LONP2: variants seen among roughly 807,000 people sequenced by gnomAD.
LONP2 encodes lon peptidase 2, peroxisomal.
A neutral mutation model predicts 85.6 loss-of-function variants in LONP2; 60 were observed. The ratio of observed to expected loss-of-function variants is 0.70; its 90% CI spans 0.57 to 0.87. The LOEUF is 0.87. Among genes scored for constraint, LONP2 ranks in the 40% least tolerant of loss-of-function variants. LONP2 has a pLI of 0.00. For synonymous variants in LONP2, 395 were observed against 389.7 expected (o/e 1.01, Z -0.16); for missense variants, 860 against 1,063.5 (o/e 0.81, Z 2.66).
chr16:48,358,772 T>C (rs568023929), downstream of LONP2, among the ~76,000 whole-genome samples: 31 of 152,228 alleles, frequency 2.0e-4, no homozygotes, highest in African/African-American at 6.7e-4. Flanking sequence ...AGTGAACCGA[T>C]TGCACCATTA....
At chr16:48,351,256 A>G (rs1286228978) in intron 14 of LONP2, among the ~76,000 whole-genome samples, 1 of 152,196 alleles carries the variant, frequency 6.6e-6, no homozygotes, top group East Asian at 1.9e-4. Flanking sequence ...CAACCTAAAG[A>G]CTAGACGGTT....
chr16:48,246,137 A>G (rs1296463336), intron 1 of LONP2, among the ~76,000 whole-genome samples: 1 of 152,126 alleles, frequency 6.6e-6, no homozygotes, highest in Non-Finnish European at 1.5e-5. Context: ...AGAAAGCAAA[A>G]CAAAGCAACA....
At chr16:48,351,532 C>A in intron 14 of LONP2, 49 bp from the exon 15 acceptor site, 1 of 1,464,626 alleles carries the variant, frequency 6.8e-7, no homozygotes. Context: ...GGGTTTCTTT[C>A]AGCTTGAGGG....
Position 48,347,652 on chromosome 16 carries a change from A to T in LONP2, c.2084A>T (p.Glu695Val). Residue 695 changes from glutamate to valine, a missense_variant, in exon 13 of 15, where the codon GAG becomes GTG. By Grantham distance (121) the Glu-to-Val change is moderately radical. Transcript: ENST00000285737. ...LTGQLGDVMK[E>V]SAHLAISWLR... ...GGCCAGCTCGGGGACGTGATGAAGG[A>T]GTCCGCCCACCTCGCTATCAGCTGG... The T allele has an allele frequency of 6.2e-7, 1 of 1,614,232 alleles. No homozygotes were observed. Among genetic ancestry groups the T allele is most frequent in the Non-Finnish European group, 8.5e-7 (1 of 1,180,042 alleles).
chr16:48,354,619 A>C lies in LONP2; in HGVS notation c.*2817A>C, dbSNP rs1960268566. 2 of 152,150 alleles carry C rather than the reference A, an allele frequency of 1.3e-5. No individual in the cohort carries two copies. The highest frequency in any genetic ancestry group is 3.9e-4 in the East Asian group (2 of 5,192). 9.4% of individuals were successfully genotyped at this position (152,150 alleles called of 1,614,324 possible). On this transcript the variant is annotated 3_prime_UTR_variant, in exon 15 of 15. Transcript: ENST00000285737. ...AACCACTATTTCACTTTCTTTCTGA[A>C]TTTCCCTTCATATGAGTGGGATCAA...
chr16:48,257,119 C>A (rs1971776364), intron 3 of LONP2, among the ~76,000 whole-genome samples: 1 of 152,084 alleles, frequency 6.6e-6, no homozygotes, highest in Non-Finnish European at 1.5e-5. Flanking sequence ...CGAGACCAGC[C>A]TGGCCAACAT....
At chr16:48,282,265 G>A (rs913250050) in intron 8 of LONP2, among the ~76,000 whole-genome samples, 2 of 151,976 alleles carry the variant, frequency 1.3e-5, no homozygotes, top group Admixed American at 6.6e-5. Context: ...ACAAAAATTA[G>A]CTGGGCATGG....
At chr16:48,311,722 G>A (rs1474412980) in intron 11 of LONP2, among the ~76,000 whole-genome samples, 1 of 152,020 alleles carries the variant, frequency 6.6e-6, no homozygotes. Flanking sequence ...GTAAGCCCAA[G>A]CAGTCCTCTG....
intron 11 of LONP2, among the ~76,000 whole-genome samples, chr16:48,323,826 C>A (rs1973316139): frequency 6.6e-6 from 1 of 152,080 alleles, no homozygotes; most frequent in Admixed American, 6.6e-5. Context: ...AAAATACCAA[C>A]AGAAAGAAAA....
intron 11 of LONP2, among the ~76,000 whole-genome samples, chr16:48,331,065 C>T (rs1567345549): frequency 6.6e-6 from 1 of 152,228 alleles, no homozygotes; most frequent in East Asian, 1.9e-4. Flanking sequence ...CTCAGAAAAG[C>T]TTGTCACAAA....
intron 8 of LONP2, among the ~76,000 whole-genome samples, chr16:48,291,861 A>G (rs532687341): frequency 3.9e-5 from 6 of 152,340 alleles, no homozygotes; most frequent in Admixed American, 2.0e-4. Flanking sequence ...TTTAAATTCT[A>G]TATGTCTTTT....
At chr16:48,362,209 T>C, downstream of LONP2, 1 of 1,614,174 alleles carries the variant, frequency 6.2e-7, no homozygotes, top group Non-Finnish European at 8.5e-7. This position sits in a 1 kb window ranked among gnomAD's most constrained non-coding sequence, Gnocchi z 4.2. Flanking sequence ...CCCCGGCAAG[T>C]TGGACAACAT....
chr16:48,295,926 C>A, intron 8 of LONP2, 89 bp from the exon 9 acceptor site: 1 of 1,229,006 alleles, frequency 8.1e-7, no homozygotes, highest in Non-Finnish European at 1.2e-6. Context: ...AAATACCAAC[C>A]TTGCCAGTAC....
At chr16:48,264,666 A>C (rs1971952466) in intron 6 of LONP2, among the ~76,000 whole-genome samples, 1 of 152,252 alleles carries the variant, frequency 6.6e-6, no homozygotes, top group Non-Finnish European at 1.5e-5. Context: ...ATAGGAAATC[A>C]CAAGAGTATT....
At chr16:48,360,255 T>C (rs1230773212), downstream of LONP2, among the ~76,000 whole-genome samples, 1 of 151,442 alleles carries the variant, frequency 6.6e-6, no homozygotes, top group East Asian at 1.9e-4. Context: ...AGTGAATTTA[T>C]TATATCATTG....
chr16:48,244,385 C>T lies in LONP2; in HGVS notation c.-4C>T. Reference sequence around the variant, plus strand: ...GACAGCCCCCAGTGCGAAAGGCTGCCAGCATGTCATCAGTGAGCCCCATCC... The same window carrying T: ...GACAGCCCCCAGTGCGAAAGGCTGCTAGCATGTCATCAGTGAGCCCCATCC... On this transcript the variant is annotated 5_prime_UTR_variant, in exon 1 of 15. Transcript: ENST00000285737. The T allele has an allele frequency of 6.5e-7, 1 of 1,537,840 alleles. No homozygotes were observed. Among genetic ancestry groups the T allele is most frequent in the Non-Finnish European group, 8.7e-7 (1 of 1,146,150 alleles).
intron 8 of LONP2, 152 bp from the exon 9 acceptor site, chr16:48,295,863 A>G: frequency 1.5e-6 from 1 of 676,306 alleles, no homozygotes; most frequent in South Asian, 2.0e-5. Flanking sequence ...AGAGAATGCA[A>G]ATAATAATGC....
intron 9 of LONP2, 77 bp from the exon 10 acceptor site, chr16:48,299,582 TAAA>T: frequency 1.7e-6 from 2 of 1,194,956 alleles, no homozygotes; most frequent in South Asian, 1.6e-5. Context: ...ACTCTGTCTC[TAAA>T]AAAAAAAACA....
downstream of LONP2, among the ~76,000 whole-genome samples, chr16:48,358,078 C>G (rs556424988): frequency 6.6e-6 from 1 of 152,282 alleles, no homozygotes; most frequent in African/African-American, 2.4e-5. Context: ...CCTCATAAAT[C>G]AAATGTGTAA....
Sources: gnomAD v4.1 joint callset for allele counts (sites outside exome capture counted in the v4.1 genomes callset) on GRCh38, gnomAD v4.1.1 for gene constraint, Gnocchi (gnomAD v3.1) non-coding constraint, MANE v1.5 for transcripts, NCBI Gene and HGNC (gene_info 2026-07-23, HGNC 2026-07-21) for gene names.